The following IFT140 variants were observed in gnomAD, a reference collection of about 807,000 sequenced individuals.
IFT140 encodes the protein intraflagellar transport 140, also known as intraflagellar transport protein 140 homolog.
Under a neutral mutation model 164.6 loss-of-function variants are expected in IFT140, and 133 were observed. The ratio of observed to expected loss-of-function variants is 0.81; its 90% CI spans 0.70 to 0.93. The LOEUF (loss-of-function observed/expected upper bound fraction) is 0.93, where lower values mean the gene tolerates loss of function less well. IFT140 is among the 40% of genes least tolerant of loss of function. The pLI, the probability that IFT140 is intolerant of heterozygous loss-of-function variation, is 0.00. For synonymous variants in IFT140, 860 were observed against 817.3 expected (o/e 1.05, Z -0.89); for missense variants, 2,045 against 1,972.3 (o/e 1.04, Z -0.70).
At position 1,526,733 on chromosome 16, in the gene IFT140, C is replaced by T; in HGVS notation, c.2463G>A (p.Lys821=). The part of the protein sequence containing the change: ...CVKTQRLDVA[K]VCLGNMGHAR... ...CATGGCCCATGTTCCCCAGGCACAC[C>T]TTGGCCACGTCCAGCCGCTGGGTCT... Residue 821 remains lysine, a synonymous_variant, in exon 20 of 31, where the codon AAG becomes AAA. Coordinates refer to ENST00000426508, the MANE Select transcript of IFT140 (RefSeq NM_014714.4). The T allele has an allele frequency of 1.2e-6, 2 of 1,609,750 alleles. No homozygotes were observed. Among genetic ancestry groups the T allele is most frequent in the African/African-American group, 2.7e-5 (2 of 75,026 alleles).
intron 12 of IFT140, 47 bp from the exon 13 acceptor site, chr16:1,580,897 A>G (rs780753758): frequency 7.6e-7 from 1 of 1,321,588 alleles, no homozygotes; most frequent in Non-Finnish European, 1.1e-6. Context: ...CATCCGCCAG[A>G]CTTGCTGGGA....
intron 19 of IFT140, chr16:1,530,745 C>CCCGTGGGGAGCGGGAGAG (rs2030386836): frequency 6.6e-6 from 1 of 152,274 alleles, no homozygotes; most frequent in African/African-American, 2.4e-5. Context: ...AGAGAGCCCG[C>CCCGTGGGGAGCGGGAGAG]AGGCCGGCCC....
At chr16:1,583,589 T>C (rs901443476) in intron 11 of IFT140, among the ~76,000 whole-genome samples, 1 of 151,848 alleles carries the variant, frequency 6.6e-6, no homozygotes, top group Non-Finnish European at 1.5e-5. Flanking sequence ...GGTTTTATTA[T>C]GATTCTTTTC....
intron 19 of IFT140, among the ~76,000 whole-genome samples, chr16:1,542,499 G>C (rs191125414): frequency 1.3e-5 from 2 of 152,356 alleles, no homozygotes; most frequent in Middle Eastern, 3.4e-3. Context: ...CCCATGCCTG[G>C]CCCTGACCTT....
chr16:1,571,743 C>T (rs946365982), intron 13 of IFT140, among the ~76,000 whole-genome samples: 2 of 152,276 alleles, frequency 1.3e-5, no homozygotes, highest in East Asian at 1.9e-4. Flanking sequence ...TCTAGTGCTG[C>T]GGGGGAAGGA....
At chr16:1,582,775 C>T (rs2034642157) in intron 12 of IFT140, among the ~76,000 whole-genome samples, 1 of 152,218 alleles carries the variant, frequency 6.6e-6, no homozygotes, top group African/African-American at 2.4e-5. Context: ...TGGTGGCACG[C>T]ACCTGTAATC....
chr16:1,527,299 C>A (rs1323604619), intron 19 of IFT140, among the ~76,000 whole-genome samples: 2 of 152,154 alleles, frequency 1.3e-5, no homozygotes, highest in African/African-American at 4.8e-5. Flanking sequence ...CTGACCCAGC[C>A]CTGGAACCTG....
At chr16:1,541,214 C>T in intron 19 of IFT140, 1 of 985,406 alleles carries the variant, frequency 1.0e-6, no homozygotes, top group Non-Finnish European at 1.2e-6. Context: ...AGTGGGGAAG[C>T]AGGCCCTGAC....
chr16:1,565,659 AC>A (rs2033673158), intron 16 of IFT140, among the ~76,000 whole-genome samples: 1 of 152,228 alleles, frequency 6.6e-6, no homozygotes, highest in African/African-American at 2.4e-5. Flanking sequence ...TCCGTGGCCC[AC>A]TTTGCTTTTG....
rs191927317 is a variant in IFT140, at chr16:1,592,476, G to T, written c.482C>A (p.Pro161His). 14 of 1,614,070 alleles carry T rather than the reference G, an allele frequency of 8.7e-6. 1 individual carries two copies. The highest frequency in any genetic ancestry group is 5.5e-5 in the South Asian group (5 of 91,070). The change falls in exon 5 of 31, where the codon CCT becomes CAT. Residue 161 changes from proline (P) to histidine (H), a missense_variant. Transcript: ENST00000426508. ...HLTHCIFRLP[P>H]PGEDLVQLAK... ...CAAGCCCCACACTTACTCGCCAGGA[G>T]GGGGGAGCCGGAAGATGCAGTGCGT...
At chr16:1,557,283 G>T (rs11642907) in intron 19 of IFT140, among the ~76,000 whole-genome samples, 7,909 of 152,298 alleles carry the variant, frequency 0.052, 405 homozygotes, top group Admixed American at 0.16. Context: ...AGGCCCGGCA[G>T]GGGGAATGAA....
At chr16:1,571,157 A>G (rs532262640) in intron 14 of IFT140, among the ~76,000 whole-genome samples, 1 of 152,340 alleles carries the variant, frequency 6.6e-6, no homozygotes, top group African/African-American at 2.4e-5. Context: ...CTCATCATAT[A>G]GAAGCTTCCC....
At chr16:1,552,021 G>A (rs1015430273) in intron 19 of IFT140, among the ~76,000 whole-genome samples, 1 of 152,138 alleles carries the variant, frequency 6.6e-6, no homozygotes, top group Non-Finnish European at 1.5e-5. Context: ...TGACCCCCAC[G>A]GCAACCGCAG....
intron 19 of IFT140, among the ~76,000 whole-genome samples, chr16:1,544,206 C>G (rs573587293): frequency 7.1e-6 from 1 of 140,996 alleles, no homozygotes; most frequent in Non-Finnish European, 1.5e-5. Context: ...TTTTTTGAGA[C>G]GAAGTCTCAC....
intron 19 of IFT140, among the ~76,000 whole-genome samples, chr16:1,548,453 C>T (rs755404909): frequency 9.2e-5 from 14 of 152,214 alleles, no homozygotes; most frequent in African/African-American, 9.6e-5. Flanking sequence ...GGGCGGCTCA[C>T]AGGAAGAGGT....
At chr16:1,591,316 C>T (rs2035169866) in intron 6 of IFT140, among the ~76,000 whole-genome samples, 1 of 152,238 alleles carries the variant, frequency 6.6e-6, no homozygotes, top group Non-Finnish European at 1.5e-5. Context: ...GCTGTGCCCA[C>T]TCGGATGTCC....
At chr16:1,519,741 T>G in intron 29 of IFT140, 140 bp downstream of exon 29, 1 of 708,238 alleles carries the variant, frequency 1.4e-6, no homozygotes. Context: ...GGAGGTGGGG[T>G]GTGTCTTCAG....
At chr16:1,602,653 C>T in intron 3 of IFT140, 62 bp from the exon 4 acceptor site, 1 of 1,507,790 alleles carries the variant, frequency 6.6e-7, no homozygotes, top group Non-Finnish European at 9.1e-7. Flanking sequence ...TTAAGAACTT[C>T]TGTCTAGGCC....
Position 1,558,008 on chromosome 16 carries a change from T to A in IFT140, c.2326A>T (p.Met776Leu). The change falls in exon 19 of 31, where the codon ATG becomes TTG. Residue 776 changes from methionine (M) to leucine (L), a missense_variant. Coordinates refer to ENST00000426508, the MANE Select transcript of IFT140 (RefSeq NM_014714.4). ...GTGACAAAGAAGCTGAAGTGGAGCA[T>A]GGCGTCCCGGGTGGCCTTGTCGCAG... ...EDCDKATRDAMLHFSFFVTIG... is the reference protein window; with the variant it reads ...EDCDKATRDALLHFSFFVTIG... The A allele has an allele frequency of 1.9e-6, 3 of 1,613,960 alleles. No individual in the cohort carries two copies. The South Asian group carries it at 3.3e-5, about 18-fold the overall frequency.
Sources: gnomAD v4.1 joint callset for allele counts (sites outside exome capture counted in the v4.1 genomes callset) on GRCh38, gnomAD v4.1.1 for gene constraint, MANE v1.5 for transcripts, NCBI Gene and HGNC (gene_info 2026-07-23, HGNC 2026-07-21) for gene names.